TSPAN12: variants seen among roughly 807,000 people sequenced by gnomAD.
The protein encoded by TSPAN12 is tetraspanin 12.
In TSPAN12, 19 loss-of-function variants were observed where a neutral mutation model predicts 39.2. The observed-to-expected ratio is 0.49, with a 90% CI of 0.34 to 0.71. TSPAN12 has a LOEUF of 0.71. TSPAN12 is among the 30% of genes least tolerant of loss of function. The probability of loss-of-function intolerance (pLI) is 0.01; values close to 1 mark genes in which losing one functional copy is unlikely to be tolerated. For missense variants in TSPAN12, 314 were observed against 359.9 expected (o/e 0.87, Z 1.03); for synonymous variants, 119 against 124.8 (o/e 0.95, Z 0.31).
rs1794068065 is a variant in TSPAN12 at position 120,815,756 on chromosome 7, G to C, written c.333C>G (p.Gly111=). 6.2e-7 allele frequency: 1 copy of C among 1,612,634 alleles called. No homozygotes were observed. The highest frequency in any genetic ancestry group is 8.5e-7 in the Non-Finnish European group (1 of 1,179,476). The change falls in exon 5 of 8, where the codon GGC becomes GGG. Residue 111 remains glycine, a synonymous_variant. Coordinates refer to ENST00000222747, the MANE Select transcript of TSPAN12 (RefSeq NM_012338.4). ...LVIFCVELAC[G]VWTYEQELMV... is the part of the protein sequence containing the mutation. ...TAAGTTCCTGTTCATATGTCCAAAC[G>C]CCACAAGCCAGTTCTACACAGAAAA...
At chr7:120,817,114 C>A (rs1200708553) in intron 4 of TSPAN12, among the ~76,000 whole-genome samples, 1 of 151,956 alleles carries the variant, frequency 6.6e-6, no homozygotes, top group African/African-American at 2.4e-5. Context: ...TGGCTCAGGC[C>A]TGTAATCTCA....
At chr7:120,822,888 C>A (rs1794214356) in intron 4 of TSPAN12, among the ~76,000 whole-genome samples, 1 of 152,068 alleles carries the variant, frequency 6.6e-6, no homozygotes, top group South Asian at 2.1e-4. Context: ...ATTTACATAC[C>A]TTTCCTACAA....
intron 2 of TSPAN12, among the ~76,000 whole-genome samples, chr7:120,840,811 T>A (rs1260948013): frequency 1.3e-5 from 2 of 152,232 alleles, no homozygotes; most frequent in Non-Finnish European, 2.9e-5. Context: ...TATGGAAGAA[T>A]TTCTGTAATA....
At chr7:120,830,668 G>A (rs1794373873) in intron 4 of TSPAN12, among the ~76,000 whole-genome samples, 1 of 152,038 alleles carries the variant, frequency 6.6e-6, no homozygotes, top group Admixed American at 6.6e-5. Context: ...AGATTTAAAT[G>A]TAAGACCTGA....
chr7:120,825,097 A>C (rs552205886), intron 4 of TSPAN12, among the ~76,000 whole-genome samples: 7 of 152,328 alleles, frequency 4.6e-5, no homozygotes, highest in African/African-American at 1.7e-4. Flanking sequence ...ATGCCACTGC[A>C]AAAGAATTTT....
At position 120,814,541 on chromosome 7, in the gene TSPAN12, C is replaced by T. The variant is rs550931241; in HGVS notation, c.360+1188G>A. 3.3e-5 allele frequency among the ~76,000 whole-genome samples: 5 copies of T among 152,286 alleles called. No individual in the cohort carries two copies. In the South Asian group the frequency reaches 1.0e-3, roughly 32 times the overall value. On this transcript the variant is annotated intron_variant, in intron 5 of 7. Transcript: ENST00000222747. Reference sequence around the variant, plus strand: ...AGTTTGTGGGGAAAAAGTCTGGCCTCCCTCCATGAAAACAACCAGCATTCA... The same window carrying T: ...AGTTTGTGGGGAAAAAGTCTGGCCTTCCTCCATGAAAACAACCAGCATTCA...
intron 4 of TSPAN12, among the ~76,000 whole-genome samples, chr7:120,821,931 T>C (rs1794195154): frequency 6.6e-6 from 1 of 152,174 alleles, no homozygotes; most frequent in African/African-American, 2.4e-5. Context: ...AGTGAGACTG[T>C]TTTTGGTATT....
intron 4 of TSPAN12, among the ~76,000 whole-genome samples, chr7:120,829,316 T>C (rs1224836969): frequency 1.3e-5 from 2 of 152,156 alleles, no homozygotes; most frequent in Non-Finnish European, 2.9e-5. Flanking sequence ...AAGAAAAAGC[T>C]TTCTTTAATT....
intron 2 of TSPAN12, among the ~76,000 whole-genome samples, chr7:120,855,744 C>T (rs1794857774): frequency 1.3e-5 from 2 of 152,144 alleles, no homozygotes; most frequent in South Asian, 4.1e-4. Context: ...TAAATGTCAT[C>T]TTCTAGAGAC....
intron 7 of TSPAN12, among the ~76,000 whole-genome samples, chr7:120,800,444 T>C (rs980249694): frequency 2.0e-5 from 3 of 152,148 alleles, no homozygotes; most frequent in South Asian, 2.1e-4. Context: ...TTGATCATCC[T>C]TGATATCTAA....
At chr7:120,801,124 T>A (rs539447892) in intron 7 of TSPAN12, among the ~76,000 whole-genome samples, 1 of 152,260 alleles carries the variant, frequency 6.6e-6, no homozygotes, top group South Asian at 2.1e-4. Context: ...AAATGATTTT[T>A]TTTTTCTTTA....
intron 5 of TSPAN12, among the ~76,000 whole-genome samples, chr7:120,813,293 C>T (rs1333345303): frequency 6.6e-6 from 1 of 152,114 alleles, no homozygotes; most frequent in Non-Finnish European, 1.5e-5. Context: ...TTTTAAACAG[C>T]CCTTGCTCCA....
rs1206257984 is a variant in TSPAN12, at chr7:120,840,210, C to A, written c.67-101G>T. 4.4e-6 allele frequency: 4 copies of A among 907,106 alleles called. No homozygotes were observed. In the African/African-American group the frequency reaches 6.5e-5, roughly 15 times the overall value. 56.2% of individuals were successfully genotyped at this position (907,106 alleles called of 1,614,324 possible). ...AAGGATTTTGTTACATAATATCTTT[C>A]CCAATTACCATTTGCTGCATCTTGA... On this transcript the variant is annotated intron_variant, in intron 2 of 7. Transcript: ENST00000222747.
intron 7 of TSPAN12, among the ~76,000 whole-genome samples, chr7:120,806,172 A>G (rs1793869257): frequency 6.6e-6 from 1 of 151,842 alleles, no homozygotes; most frequent in Admixed American, 6.6e-5. Context: ...GTCTATGTGG[A>G]GGCTCTTAAA....
intron 4 of TSPAN12, among the ~76,000 whole-genome samples, chr7:120,834,823 G>C (rs1404312131): frequency 6.6e-6 from 1 of 152,118 alleles, no homozygotes; most frequent in Non-Finnish European, 1.5e-5. Flanking sequence ...AAAGGTTAAA[G>C]GGCACACAAA....
intron 6 of TSPAN12, among the ~76,000 whole-genome samples, chr7:120,808,056 T>G (rs1793909600): frequency 6.6e-6 from 1 of 152,098 alleles, no homozygotes; most frequent in Admixed American, 6.6e-5. Context: ...ACTTTCCAAG[T>G]CCATCTTTTT....
At chr7:120,809,321 C>T (rs1036078787) in intron 6 of TSPAN12, among the ~76,000 whole-genome samples, 2 of 152,130 alleles carry the variant, frequency 1.3e-5, no homozygotes, top group African/African-American at 4.8e-5. Flanking sequence ...TGGGCAGCAT[C>T]TACTCAGGAC....
intron 4 of TSPAN12, among the ~76,000 whole-genome samples, chr7:120,826,611 C>A (rs933067275): frequency 1.3e-5 from 2 of 152,142 alleles, no homozygotes; most frequent in Non-Finnish European, 2.9e-5. Context: ...CAAAATAATA[C>A]CACACACGAT....
At chr7:120,829,866 T>C (rs1455832556) in intron 4 of TSPAN12, among the ~76,000 whole-genome samples, 1 of 152,142 alleles carries the variant, frequency 6.6e-6, no homozygotes, top group Non-Finnish European at 1.5e-5. Context: ...GGTGACATAG[T>C]ACACCATACA....
Sources: gnomAD v4.1 joint callset for allele counts (sites outside exome capture counted in the v4.1 genomes callset) on GRCh38, gnomAD v4.1.1 for gene constraint, MANE v1.5 for transcripts, NCBI Gene and HGNC (gene_info 2026-07-23, HGNC 2026-07-21) for gene names.